The following CLIC5 variants were observed in gnomAD, a reference collection of about 807,000 sequenced individuals.
CLIC5 encodes the protein chloride intracellular channel protein 5.
In CLIC5, 20 loss-of-function variants were observed where a neutral mutation model predicts 24.7. That is an observed-to-expected ratio of 0.81 (90% confidence interval 0.57 to 1.18). CLIC5 has a LOEUF of 1.18. Among genes scored for constraint, CLIC5 ranks in the 50% most tolerant of loss-of-function variants. The pLI, the probability that CLIC5 is intolerant of heterozygous loss-of-function variation, is 0.00. For synonymous variants in CLIC5, 159 were observed against 135.6 expected, an observed-to-expected ratio of 1.17 and a Z score of -1.20; for missense variants, 341 against 326.1, an observed-to-expected ratio of 1.05 and a Z score of -0.35.
At chr6:45,969,796 G>GTTTTT (rs397779323) in intron 1 of CLIC5, among the ~76,000 whole-genome samples, 2 of 105,290 alleles carry the variant, frequency 1.9e-5, no homozygotes, top group African/African-American at 4.0e-5. Context: ...TCACATCAAG[G>GTTTTT]TTTTTTTTTT....
chr6:45,895,641 T>C (rs1762387210), downstream of CLIC5, among the ~76,000 whole-genome samples: 1 of 152,198 alleles, frequency 6.6e-6, no homozygotes, highest in Admixed American at 6.5e-5. Flanking sequence ...ATAAATACTT[T>C]TGAGCATCTA....
intron 1 of CLIC5, among the ~76,000 whole-genome samples, chr6:45,974,811 C>T (rs73738320): frequency 0.037 from 5,669 of 152,062 alleles, 349 homozygotes; most frequent in African/African-American, 0.13. Flanking sequence ...ATCCCCACCC[C>T]CTGCAGGCTC....
the CLIC5 span, chr6:46,097,120 G>A: frequency 2.6e-5 from 4 of 152,108 alleles, no homozygotes; most frequent in African/African-American, 9.7e-5. Context: ...TTTGACTATC[G>A]TTAATGATAT....
rs573688731 is a variant in CLIC5 at position 45,955,300 on chromosome 6, A to G, written c.64-56T>C. ...GGCAGGTGCAATTAGCAAGGGGAAC[A>G]TAAGATTGTAACACCCAAATGCAGG... On this transcript the variant is annotated intron_variant, in intron 1 of 5. Transcript: ENST00000339561. The G allele has an allele frequency of 4.6e-4, 603 of 1,300,162 alleles. 2 individuals carry two copies. In the African/African-American group the frequency reaches 7.4e-3, roughly 16 times the overall value. 80.5% of individuals were successfully genotyped at this position (1,300,162 alleles called of 1,614,324 possible).
intron 1 of CLIC5, chr6:46,014,660 T>A (rs1439157848): frequency 1.3e-5 from 2 of 152,210 alleles, no homozygotes; most frequent in Non-Finnish European, 2.9e-5. Flanking sequence ...TGTTTCTTTC[T>A]CCTTACACCG....
intron 5 of CLIC5, among the ~76,000 whole-genome samples, chr6:45,906,379 C>A (rs1337929661): frequency 1.3e-5 from 2 of 152,108 alleles, no homozygotes; most frequent in African/African-American, 4.8e-5. Flanking sequence ...GTGTCAGCTG[C>A]AATTTCCTTA....
chr6:45,919,558 A>G (rs1403069847), intron 4 of CLIC5, among the ~76,000 whole-genome samples: 1 of 151,044 alleles, frequency 6.6e-6, no homozygotes, highest in East Asian at 2.0e-4. Flanking sequence ...CTTTTCTTTT[A>G]GTTTTCCCAG....
chr6:46,013,397 A>G (rs973996619), intron 1 of CLIC5, among the ~76,000 whole-genome samples: 2 of 152,210 alleles, frequency 1.3e-5, no homozygotes, highest in African/African-American at 4.8e-5. Flanking sequence ...TTATTTCACA[A>G]TATTTCTAGC....
intron 1 of CLIC5, among the ~76,000 whole-genome samples, chr6:46,073,326 C>T (rs143393297): frequency 2.6e-5 from 4 of 152,110 alleles, no homozygotes; most frequent in Admixed American, 6.6e-5. Context: ...CTTACCCTCA[C>T]AAAATATAAA....
At chr6:46,019,692 C>CAA (rs60367562), upstream of CLIC5, among the ~76,000 whole-genome samples, 101 of 62,698 alleles carry the variant, frequency 1.6e-3, no homozygotes, top group African/African-American at 3.8e-3. Flanking sequence ...GACTCCGTCT[C>CAA]AAAAAAAAAA....
chr6:46,124,739 A>C, the CLIC5 span, among the ~76,000 whole-genome samples: 1 of 152,208 alleles, frequency 6.6e-6, no homozygotes, highest in Non-Finnish European at 1.5e-5. Flanking sequence ...AGAAAAAAAC[A>C]AACAACCCCA....
the CLIC5 span, among the ~76,000 whole-genome samples, chr6:46,112,468 G>A: frequency 6.6e-6 from 1 of 152,180 alleles, no homozygotes. Context: ...CATTCTTTCT[G>A]CATCTTCAAG....
chr6:45,976,912 T>A (rs1230489513), intron 1 of CLIC5, among the ~76,000 whole-genome samples: 3 of 152,200 alleles, frequency 2.0e-5, no homozygotes, highest in Non-Finnish European at 4.4e-5. Context: ...ATGTTACGTG[T>A]GTGCTGTATG....
At chr6:46,050,214 A>G (rs187932316) in intron 1 of CLIC5, among the ~76,000 whole-genome samples, 42 of 152,282 alleles carry the variant, frequency 2.8e-4, no homozygotes, top group African/African-American at 9.6e-4. Context: ...ACCAAAGTTA[A>G]TCTGTTCAGT....
intron 1 of CLIC5, among the ~76,000 whole-genome samples, chr6:45,955,721 C>T (rs1411616343): frequency 6.6e-6 from 1 of 152,034 alleles, no homozygotes; most frequent in Non-Finnish European, 1.5e-5. Context: ...ATATGTTCCT[C>T]TGTAGTTTAC....
chr6:46,109,142 T>C, the CLIC5 span, among the ~76,000 whole-genome samples: 2 of 152,158 alleles, frequency 1.3e-5, no homozygotes, highest in East Asian at 1.9e-4. Flanking sequence ...ATTAATTGTG[T>C]CTTTATAGAT....
intron 1 of CLIC5, among the ~76,000 whole-genome samples, chr6:45,974,522 TAGAGAGAGAGAGAGAGAGAG>T (rs58729329): frequency 3.0e-5 from 2 of 66,002 alleles, no homozygotes; most frequent in East Asian, 5.1e-4. Context: ...TATATATATA[TAGAGAGAGAGAGAGAGAGAG>T]AGAGAGAGAG....
At chr6:46,021,330 G>A (rs1767177300) in intron 1 of CLIC5, among the ~76,000 whole-genome samples, 1 of 152,150 alleles carries the variant, frequency 6.6e-6, no homozygotes, top group Non-Finnish European at 1.5e-5. Context: ...TTGATGGTAG[G>A]AATGCAAAAT....
chr6:45,958,811 A>G (rs1226111639), intron 1 of CLIC5, among the ~76,000 whole-genome samples: 1 of 152,090 alleles, frequency 6.6e-6, no homozygotes, highest in Non-Finnish European at 1.5e-5. Context: ...CAGCAGCAAC[A>G]AGCACAGGCA....
Sources: allele counts gnomAD v4.1 joint callset (sites outside exome capture counted in the v4.1 genomes callset), GRCh38; gene constraint gnomAD v4.1.1; transcripts MANE v1.5; gene names NCBI Gene and HGNC (gene_info 2026-07-23, HGNC 2026-07-21).